The following MLLT10 variants were observed in gnomAD, a reference collection of about 807,000 sequenced individuals.
MLLT10 encodes the protein protein AF-10.
MLLT10 carries 30 observed loss-of-function variants against 129.1 expected under a neutral mutation model. That is an observed-to-expected ratio of 0.23 (90% confidence interval 0.17 to 0.32). The LOEUF is 0.32. MLLT10 is among the 10% of genes least tolerant of loss of function. The pLI is 1.00. For synonymous variants in MLLT10, 490 were observed against 446.4 expected (o/e 1.10, Z -1.23); for missense variants, 1,119 against 1,268.3 (o/e 0.88, Z 1.79).
chr10:21,739,619 A>G (rs2058668149), intron 21 of MLLT10, among the ~76,000 whole-genome samples: 1 of 152,190 alleles, frequency 6.6e-6, no homozygotes, highest in Non-Finnish European at 1.5e-5. Flanking sequence ...CGCTGCATGG[A>G]GTATATGCTT....
chr10:21,544,412 T>C (rs926492679), intron 3 of MLLT10, among the ~76,000 whole-genome samples: 2 of 152,174 alleles, frequency 1.3e-5, no homozygotes, highest in African/African-American at 4.8e-5. Context: ...AGGGTCAAGT[T>C]GCTCAGACAC....
chr10:21,648,596 G>A (rs2048733627), intron 8 of MLLT10, among the ~76,000 whole-genome samples: 1 of 152,124 alleles, frequency 6.6e-6, no homozygotes, highest in African/African-American at 2.4e-5. Flanking sequence ...TATCTTTGTA[G>A]GGAGAAAAAC....
At chr10:21,539,367 A>T (rs2034665004) in intron 3 of MLLT10, among the ~76,000 whole-genome samples, 1 of 151,148 alleles carries the variant, frequency 6.6e-6, no homozygotes, top group Non-Finnish European at 1.5e-5. Flanking sequence ...TCGAACACTC[A>T]CTGATTTCAG....
At chr10:21,571,883 A>G (rs905813235) in intron 3 of MLLT10, 11 of 152,222 alleles carry the variant, frequency 7.2e-5, no homozygotes, top group Admixed American at 1.3e-4. Flanking sequence ...CCCCAAGTCT[A>G]TATGGTTTAA....
chr10:21,681,992 A>G (rs1001587786), intron 12 of MLLT10, among the ~76,000 whole-genome samples: 2 of 152,214 alleles, frequency 1.3e-5, no homozygotes, highest in African/African-American at 2.4e-5. Context: ...CGTTATGACA[A>G]TATACCTTAA....
intron 5 of MLLT10, among the ~76,000 whole-genome samples, chr10:21,607,919 T>A (rs2044223700): frequency 6.6e-6 from 1 of 152,094 alleles, no homozygotes; most frequent in Non-Finnish European, 1.5e-5. Context: ...AGCAAGAAAA[T>A]CTCTAAATTT....
In MLLT10 at chr10:21,551,406, CT is replaced by C. The variant is rs989705963; in HGVS notation, c.240+12503del. Among the ~76,000 whole-genome samples the C allele has an allele frequency of 7.8e-5, 10 of 128,630 alleles. No homozygotes were observed. In the East Asian group the frequency reaches 1.2e-3, roughly 16 times the overall value. 84.4% of individuals were successfully genotyped at this position (128,630 alleles called of 152,430 possible). On this transcript the variant is annotated intron_variant, in intron 3 of 22. Transcript: ENST00000307729. ...GTCTTTAAAGTTGAACATTTACTAA[CT>C]TTTTTTTTGTTACTGCTGACTCATA...
At chr10:21,604,118 C>A (rs1339392809) in intron 5 of MLLT10, among the ~76,000 whole-genome samples, 1 of 152,142 alleles carries the variant, frequency 6.6e-6, no homozygotes, top group Non-Finnish European at 1.5e-5. Flanking sequence ...TATGTTCTTT[C>A]CACATACAAA....
chr10:21,597,913 T>C (rs756647606), intron 5 of MLLT10, among the ~76,000 whole-genome samples: 4 of 152,230 alleles, frequency 2.6e-5, no homozygotes, highest in Non-Finnish European at 5.9e-5. Flanking sequence ...CTTGATCACT[T>C]GGTTAAGGTG....
rs140390413 is a variant in MLLT10 at position 21,674,784 on chromosome 10, TAAC to T, written c.1621+868_1621+870del. ...AGTTTTAGATTTCTGATTGTTGAAA[TAAC>T]AAGAATTTAGGTAAGATAAATTATT... is the stretch of plus-strand genomic sequence containing the variant. On this transcript the variant is annotated intron_variant, in intron 11 of 22. Transcript: ENST00000307729. Among the ~76,000 whole-genome samples the T allele has an allele frequency of 4.2e-3, 641 of 152,300 alleles. 7 individuals are homozygous for T. Among genetic ancestry groups the T allele is most frequent in the African/African-American group, 0.015 (606 of 41,572 alleles).
intron 9 of MLLT10, among the ~76,000 whole-genome samples, chr10:21,655,064 T>C (rs1290104091): frequency 6.6e-6 from 1 of 151,990 alleles, no homozygotes; most frequent in Admixed American, 6.6e-5. Flanking sequence ...GAGTAGGATA[T>C]ATGAAATGGA....
chr10:21,693,526 C>T (rs1253098535), intron 13 of MLLT10, among the ~76,000 whole-genome samples: 1 of 151,858 alleles, frequency 6.6e-6, no homozygotes, highest in Admixed American at 6.6e-5. Flanking sequence ...ATTTGTGCGC[C>T]TACCCCTGAA....
intron 13 of MLLT10, among the ~76,000 whole-genome samples, chr10:21,689,546 A>AATATATATATATATATATGTGTATATAT (rs2053611437): frequency 1.8e-5 from 2 of 108,332 alleles, no homozygotes; most frequent in Non-Finnish European, 3.9e-5. Context: ...TGTGTAAAGT[A>AATATATATATATATATATGTGTATATAT]ATATATATAT....
At chr10:21,700,413 T>C (rs1205702978) in intron 13 of MLLT10, among the ~76,000 whole-genome samples, 1 of 152,066 alleles carries the variant, frequency 6.6e-6, no homozygotes, top group Non-Finnish European at 1.5e-5. Flanking sequence ...TGAATAAGAG[T>C]TGTGAAGGTG....
intron 4 of MLLT10, among the ~76,000 whole-genome samples, chr10:21,592,337 C>G (rs2042582881): frequency 6.6e-6 from 1 of 151,852 alleles, no homozygotes; most frequent in Admixed American, 6.6e-5. Context: ...TAATGGAAAA[C>G]TTTTAAAAAA....
At chr10:21,677,155 A>T (rs1450359900) in intron 11 of MLLT10, among the ~76,000 whole-genome samples, 1 of 152,230 alleles carries the variant, frequency 6.6e-6, no homozygotes, top group Non-Finnish European at 1.5e-5. Context: ...ATGTTTGCTG[A>T]TGAGGGTCTA....
chr10:21,715,895 T>G (rs974383592), intron 14 of MLLT10, among the ~76,000 whole-genome samples: 1 of 152,254 alleles, frequency 6.6e-6, no homozygotes, highest in Non-Finnish European at 1.5e-5. Context: ...CAGTTAGATT[T>G]ACATGCTGTG....
intron 3 of MLLT10, among the ~76,000 whole-genome samples, chr10:21,564,107 C>T (rs138866012): frequency 0.013 from 1,914 of 152,076 alleles, 21 homozygotes; most frequent in Non-Finnish European, 0.02. Flanking sequence ...CCACCGTGCC[C>T]GGCCTATTAT....
At chr10:21,734,311 TAA>T (rs1425817477) in intron 20 of MLLT10, among the ~76,000 whole-genome samples, 182 bp downstream of exon 20, 4 of 152,138 alleles carry the variant, frequency 2.6e-5, no homozygotes, top group South Asian at 4.1e-4. Flanking sequence ...AGATTAAAAT[TAA>T]GTTACTTTTA....
Sources: gnomAD v4.1 joint callset for allele counts (sites outside exome capture counted in the v4.1 genomes callset) on GRCh38, gnomAD v4.1.1 for gene constraint, MANE v1.5 for transcripts, NCBI Gene and HGNC (gene_info 2026-07-23, HGNC 2026-07-21) for gene names.